The following TNR variants were observed in gnomAD, a reference collection of about 807,000 sequenced individuals.
The protein encoded by TNR is tenascin-R.
In TNR, 45 loss-of-function variants were observed where a neutral mutation model predicts 150.4. That is an observed-to-expected ratio of 0.30 (90% CI 0.24 to 0.38). TNR has a LOEUF of 0.38. Among genes scored for constraint, TNR ranks in the 10% least tolerant of loss-of-function variants. The probability of loss-of-function intolerance (pLI) is 1.00; values close to 1 mark genes in which losing one functional copy is unlikely to be tolerated. For missense variants in TNR, 1,544 were observed against 1,759.1 expected, an observed-to-expected ratio of 0.88 and a Z score of 2.19; for synonymous variants, 687 against 678.4, an observed-to-expected ratio of 1.01 and a Z score of -0.20.
intron 1 of TNR, among the ~76,000 whole-genome samples, chr1:175,740,510 A>G (rs1220342114): frequency 6.6e-6 from 1 of 152,044 alleles, no homozygotes; most frequent in Non-Finnish European, 1.5e-5. Flanking sequence ...AGGGCAGAAC[A>G]GCTGACCTCC....
At chr1:175,341,376 T>C (rs1212121093) in intron 18 of TNR, among the ~76,000 whole-genome samples, 1 of 152,232 alleles carries the variant, frequency 6.6e-6, no homozygotes, top group Non-Finnish European at 1.5e-5. Flanking sequence ...GCTGTGGTGA[T>C]TACTAAGTTA....
intron 1 of TNR, among the ~76,000 whole-genome samples, chr1:175,694,335 T>C (rs545777055): frequency 4.6e-5 from 7 of 152,320 alleles, no homozygotes; most frequent in African/African-American, 1.4e-4. Flanking sequence ...GTCACAACCA[T>C]TCAGTGTCTC....
chr1:175,590,724 A>G (rs1323255509), intron 1 of TNR, among the ~76,000 whole-genome samples: 1 of 152,264 alleles, frequency 6.6e-6, no homozygotes, highest in African/African-American at 2.4e-5. Context: ...GAGAACTGCA[A>G]TGGCAAGATG....
At chr1:175,362,859 A>C (rs1318030024) in intron 13 of TNR, 50 bp from the exon 14 acceptor site, 1 of 1,610,626 alleles carries the variant, frequency 6.2e-7, no homozygotes, top group Non-Finnish European at 8.5e-7. Context: ...CTTTCATCCA[A>C]GCAGCCCATG....
At chr1:175,557,289 C>T (rs1661199602) in intron 1 of TNR, among the ~76,000 whole-genome samples, 1 of 152,134 alleles carries the variant, frequency 6.6e-6, no homozygotes, top group African/African-American at 2.4e-5. Context: ...GACTCCTGAC[C>T]CACGGAAGTG....
chr1:175,459,054 C>T (rs1103005), intron 2 of TNR, among the ~76,000 whole-genome samples: 12,347 of 152,064 alleles, frequency 0.081, 1,251 homozygotes, highest in African/African-American at 0.24. Flanking sequence ...ACTATTACCA[C>T]CATGACCACC....
intron 2 of TNR, among the ~76,000 whole-genome samples, chr1:175,457,262 T>C (rs1033439333): frequency 2.2e-4 from 33 of 152,326 alleles, no homozygotes; most frequent in Non-Finnish European, 4.0e-4. Context: ...ACTTGAACCA[T>C]CAGACTCCTG....
At chr1:175,384,305 A>C (rs763076336) in intron 8 of TNR, among the ~76,000 whole-genome samples, 19 of 152,332 alleles carry the variant, frequency 1.2e-4, no homozygotes, top group Non-Finnish European at 2.6e-4. Flanking sequence ...AAGGGACGTG[A>C]GCATCTTTGG....
chr1:175,730,581 C>G (rs1667611750), intron 1 of TNR, among the ~76,000 whole-genome samples: 1 of 152,208 alleles, frequency 6.6e-6, no homozygotes, highest in African/African-American at 2.4e-5. Context: ...TGTTCATTCA[C>G]TCAACCAATA....
chr1:175,723,856 G>A (rs182103613), intron 1 of TNR, among the ~76,000 whole-genome samples: 121 of 152,278 alleles, frequency 7.9e-4, no homozygotes, highest in Middle Eastern at 3.4e-3. Context: ...AGGCAACAGA[G>A]TGAGATTCTG....
At chr1:175,338,434 A>C (rs1444052305) in intron 18 of TNR, among the ~76,000 whole-genome samples, 1 of 152,206 alleles carries the variant, frequency 6.6e-6, no homozygotes, top group African/African-American at 2.4e-5. Context: ...GCAAATTTTA[A>C]TGCTGAGCAG....
intron 9 of TNR, among the ~76,000 whole-genome samples, chr1:175,376,114 C>T (rs878982432): frequency 2.6e-5 from 4 of 151,966 alleles, no homozygotes; most frequent in African/African-American, 4.8e-5. Context: ...TGGTAGTTCT[C>T]GGGGGAAGAG....
intron 1 of TNR, among the ~76,000 whole-genome samples, chr1:175,605,739 T>G (rs557521821): frequency 1.4e-4 from 22 of 152,348 alleles, no homozygotes; most frequent in African/African-American, 5.0e-4. Context: ...TTTTTTTTCC[T>G]TATGCTGATA....
intron 1 of TNR, among the ~76,000 whole-genome samples, chr1:175,609,027 C>T (rs1383655112): frequency 4.6e-5 from 7 of 152,202 alleles, no homozygotes; most frequent in Non-Finnish European, 1.0e-4. Flanking sequence ...AGGGAATACT[C>T]CTCACAGCAC....
intron 1 of TNR, among the ~76,000 whole-genome samples, chr1:175,645,399 G>A (rs73033367): frequency 0.016 from 2,390 of 152,300 alleles, 64 homozygotes; most frequent in African/African-American, 0.055. Context: ...AGAAAAGGGA[G>A]CATTCTGAGG....
intron 22 of TNR, among the ~76,000 whole-genome samples, chr1:175,323,832 TGGGA>T (rs1189950423): frequency 6.6e-6 from 1 of 152,220 alleles, no homozygotes; most frequent in Non-Finnish European, 1.5e-5. Flanking sequence ...TCACTCCTAA[TGGGA>T]GACTTAGGCG....
chr1:175,640,145 A>G (rs1253698765), intron 1 of TNR, among the ~76,000 whole-genome samples: 1 of 152,234 alleles, frequency 6.6e-6, no homozygotes, highest in African/African-American at 2.4e-5. Context: ...TTCCAGAGAT[A>G]GATCTTTTTT....
At chr1:175,545,114 T>A (rs925268895) in intron 1 of TNR, among the ~76,000 whole-genome samples, 2 of 152,186 alleles carry the variant, frequency 1.3e-5, no homozygotes, top group Non-Finnish European at 2.9e-5. Flanking sequence ...GATTTGGGGA[T>A]TATTACTTGA....
chr1:175,495,331 C>T (rs1428277111), intron 2 of TNR, among the ~76,000 whole-genome samples: 1 of 152,152 alleles, frequency 6.6e-6, no homozygotes, highest in Non-Finnish European at 1.5e-5. Flanking sequence ...AAAGATCCTA[C>T]TGTAGTCATA....
Sources: gnomAD v4.1 joint callset for allele counts (sites outside exome capture counted in the v4.1 genomes callset) on GRCh38, gnomAD v4.1.1 for gene constraint, MANE v1.5 for transcripts, NCBI Gene and HGNC (gene_info 2026-07-23, HGNC 2026-07-21) for gene names.